DOCK1: variants seen among roughly 807,000 people sequenced by gnomAD.
DOCK1 encodes dedicator of cytokinesis 1.
Under a neutral mutation model 262.7 loss-of-function variants are expected in DOCK1, and 138 were observed. The observed-to-expected ratio is 0.53, with a 90% CI of 0.46 to 0.61. The LOEUF is 0.61. DOCK1 is among the 20% of genes least tolerant of loss of function. DOCK1 has a pLI of 0.00. For synonymous variants in DOCK1, 866 were observed against 867.4 expected, an observed-to-expected ratio of 1.00 and a Z score of 0.03; for missense variants, 1,908 against 2,370.7, an observed-to-expected ratio of 0.80 and a Z score of 4.05.
intron 28 of DOCK1, among the ~76,000 whole-genome samples, chr10:127,255,742 T>A (rs933009351): frequency 6.6e-6 from 1 of 152,178 alleles, no homozygotes; most frequent in African/African-American, 2.4e-5. Flanking sequence ...TCTTCCAGAA[T>A]AATAAAAACG....
At chr10:127,200,413 T>C (rs1440311591) in intron 27 of DOCK1, among the ~76,000 whole-genome samples, 1 of 152,118 alleles carries the variant, frequency 6.6e-6, no homozygotes, top group African/African-American at 2.4e-5. Context: ...ATATTATCTG[T>C]TTTCGTTTTT....
At chr10:126,966,677 C>T (rs954812227) in intron 1 of DOCK1, among the ~76,000 whole-genome samples, 3 of 152,074 alleles carry the variant, frequency 2.0e-5, no homozygotes, top group Admixed American at 2.0e-4. Flanking sequence ...GAGGTGATCG[C>T]AATACCTTTT....
At chr10:127,101,304 G>A (rs1040303165) in intron 23 of DOCK1, among the ~76,000 whole-genome samples, 9 of 152,082 alleles carry the variant, frequency 5.9e-5, no homozygotes, top group Admixed American at 5.9e-4. Flanking sequence ...GAGAAGGAGA[G>A]GAAACCCGGC....
rs563821489 is a variant in DOCK1 at position 126,997,616 on chromosome 10, A to C, written c.610-476A>C. Among the ~76,000 whole-genome samples the C allele has an allele frequency of 4.6e-5, 7 of 152,220 alleles. No individual in the cohort carries two copies. In the South Asian group the frequency reaches 1.5e-3, roughly 32 times the overall value. On this transcript the variant is annotated intron_variant, in intron 7 of 51. Coordinates refer to ENST00000623213, the MANE Select transcript of DOCK1 (RefSeq NM_001290223.2). ...TCATGAAAAATCCACCCCATGATCC[A>C]GTCACCTCCCACCAGTATATATATA...
chr10:127,096,064 A>G (rs894012238), intron 23 of DOCK1, among the ~76,000 whole-genome samples: 2 of 152,248 alleles, frequency 1.3e-5, no homozygotes, highest in Admixed American at 6.5e-5. Flanking sequence ...ATTGATTACA[A>G]AAAGTATTTT....
chr10:127,254,320 C>T (rs953509307), intron 28 of DOCK1, among the ~76,000 whole-genome samples: 7 of 152,166 alleles, frequency 4.6e-5, no homozygotes, highest in African/African-American at 1.4e-4. Flanking sequence ...ATCTCCCATT[C>T]TGGACTTTTT....
rs1196124404 is a variant in DOCK1 at position 127,283,512 on chromosome 10, T to G, written c.3044+26083T>G. Among the ~76,000 whole-genome samples the G allele has an allele frequency of 2.0e-5, 3 of 152,232 alleles. No individual in the cohort carries two copies. The East Asian group carries it at 5.8e-4, about 29-fold the overall frequency. On this transcript the variant is annotated intron_variant, in intron 29 of 51. Coordinates refer to ENST00000623213, the MANE Select transcript of DOCK1 (RefSeq NM_001290223.2). ...AGAAGGAATAAAGCCATCCTATATC[T>G]TCTCTGAAAAATGAAGGAGTGAAAA...
At chr10:127,318,990 C>G (rs1209095767) in intron 29 of DOCK1, among the ~76,000 whole-genome samples, 1 of 152,188 alleles carries the variant, frequency 6.6e-6, no homozygotes, top group Non-Finnish European at 1.5e-5. Context: ...CCAGCCTTGC[C>G]AAAGGGTCCC....
intron 27 of DOCK1, among the ~76,000 whole-genome samples, chr10:127,150,241 G>T (rs560971867): frequency 1.3e-5 from 2 of 152,116 alleles, no homozygotes; most frequent in Admixed American, 6.5e-5. Flanking sequence ...CTTTTCTACC[G>T]AAGAAACTTC....
chr10:127,116,869 T>G (rs1027459681), intron 25 of DOCK1, among the ~76,000 whole-genome samples: 2 of 152,198 alleles, frequency 1.3e-5, no homozygotes, highest in African/African-American at 2.4e-5. Flanking sequence ...TGCTGATGAC[T>G]TCTGATGAAC....
intron 27 of DOCK1, among the ~76,000 whole-genome samples, chr10:127,216,918 G>T (rs1181749498): frequency 2.6e-5 from 4 of 152,198 alleles, no homozygotes; most frequent in Admixed American, 2.6e-4. Context: ...GGCAGTGCAT[G>T]GGGCCTGTCA....
chr10:127,262,734 G>A (rs182913748), intron 29 of DOCK1, among the ~76,000 whole-genome samples: 3 of 152,308 alleles, frequency 2.0e-5, no homozygotes, highest in African/African-American at 7.2e-5. Context: ...TTCTTTGTGA[G>A]GCATTGCACG....
chr10:127,387,726 T>G (rs1305005064), intron 38 of DOCK1, among the ~76,000 whole-genome samples: 1 of 152,136 alleles, frequency 6.6e-6, no homozygotes, highest in South Asian at 2.1e-4. Flanking sequence ...CTCATTACAT[T>G]ATGGACGTGT....
rs796201035 is a variant in DOCK1 at position 127,165,982 on chromosome 10, T to C, written c.2847+38218T>C. ...CCAGGCCTGGGAGGGTAGGAGCTTC[T>C]GTAGCCTTTTCAAGTAAAAGGGAAA... On this transcript the variant is annotated intron_variant, in intron 27 of 51. Transcript: ENST00000623213. Among the ~76,000 whole-genome samples, 4 of 152,230 alleles carry C rather than the reference T, an allele frequency of 2.6e-5. No homozygotes were observed. In the South Asian group the frequency reaches 8.3e-4, roughly 31 times the overall value.
chr10:127,158,930 A>G (rs956813907), intron 27 of DOCK1, among the ~76,000 whole-genome samples: 1 of 152,066 alleles, frequency 6.6e-6, no homozygotes, highest in Non-Finnish European at 1.5e-5. Flanking sequence ...TTGACCCTCT[A>G]GCCTCCCATC....
In DOCK1 at chr10:127,012,185, CTG is replaced by C; in HGVS notation, c.1059-44_1059-43del. On this transcript the variant is annotated intron_variant, in intron 11 of 51. Coordinates refer to ENST00000623213, the MANE Select transcript of DOCK1 (RefSeq NM_001290223.2). The surrounding 1 kb of genome is among the most constrained non-coding windows in gnomAD (Gnocchi z 4.0). ...CCTTGTTACCGTGGCCCATGGGTCTCTGTGCCCCTTTGTCTCCTGTGGTCTTG... is the reference window on the plus strand; with the variant it reads ...CCTTGTTACCGTGGCCCATGGGTCTCTGCCCCTTTGTCTCCTGTGGTCTTG... 3.9e-6 allele frequency: 4 copies of C among 1,026,366 alleles called. No individual in the cohort carries two copies. The highest frequency in any genetic ancestry group is 3.9e-5 in the South Asian group (3 of 77,338). The allele number at this position is 1,026,366 out of a possible 1,614,324, so 63.6% of individuals were successfully genotyped here. A position where few individuals can be genotyped will look rare whatever the true frequency, so the allele number is the denominator to read the frequency against.
At chr10:126,967,824 T>C (rs2037787762) in intron 1 of DOCK1, among the ~76,000 whole-genome samples, 1 of 152,196 alleles carries the variant, frequency 6.6e-6, no homozygotes, top group Non-Finnish European at 1.5e-5. Flanking sequence ...TTTTTTCTTT[T>C]TGTTTTTGAG....
chr10:127,388,700 G>A (rs1484499062), intron 38 of DOCK1, among the ~76,000 whole-genome samples: 2 of 152,174 alleles, frequency 1.3e-5, no homozygotes, highest in Non-Finnish European at 2.9e-5. Flanking sequence ...AGCCGGAGAG[G>A]ACAGCAAAGA....
chr10:126,989,993 T>G (rs1286573628), intron 5 of DOCK1, among the ~76,000 whole-genome samples: 1 of 151,850 alleles, frequency 6.6e-6, no homozygotes, highest in Non-Finnish European at 1.5e-5. Flanking sequence ...GGCCGAGGAG[T>G]TCAGGTTCTC....
Sources: allele counts gnomAD v4.1 joint callset (sites outside exome capture counted in the v4.1 genomes callset), GRCh38; gene constraint gnomAD v4.1.1; non-coding constraint Gnocchi (gnomAD v3.1); transcripts MANE v1.5; gene names NCBI Gene and HGNC (gene_info 2026-07-23, HGNC 2026-07-21).